The following RBFOX3 variants were observed in gnomAD, a reference collection of about 807,000 sequenced individuals.
RBFOX3 encodes RNA binding protein fox-1 homolog 3.
A neutral mutation model predicts 48.7 loss-of-function variants in RBFOX3; 17 were observed. That is an observed-to-expected ratio of 0.35 (90% CI 0.24 to 0.52). The LOEUF is 0.52. Among genes scored for constraint, RBFOX3 ranks in the 20% least tolerant of loss-of-function variants. RBFOX3 has a pLI of 0.94. For synonymous variants in RBFOX3, 212 were observed against 209.5 expected, an observed-to-expected ratio of 1.01 and a Z score of -0.10; for missense variants, 382 against 497.5, an observed-to-expected ratio of 0.77 and a Z score of 2.21.
chr17:79,229,558 CAAAAAA>C (rs11435725), intron 4 of RBFOX3, among the ~76,000 whole-genome samples: 3 of 50,646 alleles, frequency 5.9e-5, no homozygotes, highest in Non-Finnish European at 7.0e-5. Flanking sequence ...GACTCCATCT[CAAAAAA>C]AAAAAAAAAA....
chr17:79,328,824 C>G (rs2079753232), intron 2 of RBFOX3, among the ~76,000 whole-genome samples: 1 of 152,136 alleles, frequency 6.6e-6, no homozygotes, highest in Non-Finnish European at 1.5e-5. Context: ...TTGGCTTGGA[C>G]CAAGCAGCGC....
intron 1 of RBFOX3, among the ~76,000 whole-genome samples, chr17:79,593,547 G>A (rs1007523563): frequency 1.8e-3 from 274 of 152,208 alleles, no homozygotes; most frequent in Non-Finnish European, 3.2e-3. Flanking sequence ...CAGAGAATGG[G>A]GCAGAGATCT....
chr17:79,252,120 C>T lies in RBFOX3; in HGVS notation c.-73-16315G>A, dbSNP rs1365834788. On this transcript the variant is annotated intron_variant, in intron 3 of 14. Coordinates refer to ENST00000693108, the MANE Select transcript of RBFOX3 (RefSeq NM_001350451.2). The surrounding 1 kb of genome is among the most constrained non-coding windows in gnomAD (Gnocchi z 4.0). Reference sequence around the variant, plus strand: ...CTGGCCCACACCCTCCTGGTCTCCCCATGGCTCTGGCCCTTCCTCCTGCCT... The same window carrying T: ...CTGGCCCACACCCTCCTGGTCTCCCTATGGCTCTGGCCCTTCCTCCTGCCT... Among the ~76,000 whole-genome samples, 1 of 152,212 alleles carries T rather than the reference C, an allele frequency of 6.6e-6. No homozygotes were observed. Among genetic ancestry groups the T allele is most frequent in the Non-Finnish European group, 1.5e-5 (1 of 68,036 alleles).
At chr17:79,614,825 A>G (rs1446035212), upstream of RBFOX3, among the ~76,000 whole-genome samples, 3 of 152,172 alleles carry the variant, frequency 2.0e-5, no homozygotes, top group Non-Finnish European at 4.4e-5. Context: ...GGCAAAGAGG[A>G]GAAAAAGAAG....
At chr17:79,496,858 G>T (rs1445931075) in intron 1 of RBFOX3, among the ~76,000 whole-genome samples, 2 of 152,208 alleles carry the variant, frequency 1.3e-5, no homozygotes, top group Admixed American at 6.5e-5. Flanking sequence ...GGAGCTGGGA[G>T]CTCTTGAGGA....
intron 1 of RBFOX3, among the ~76,000 whole-genome samples, chr17:79,559,393 T>C (rs1018900520): frequency 2.5e-4 from 37 of 149,864 alleles, no homozygotes; most frequent in Admixed American, 1.2e-3. Flanking sequence ...GATGGGTGGA[T>C]AAGTGAATGG....
At chr17:79,128,846 C>T in intron 4 of RBFOX3, among the ~76,000 whole-genome samples, 1 of 152,212 alleles carries the variant, frequency 6.6e-6, no homozygotes, top group Non-Finnish European at 1.5e-5. Context: ...CAGAGGGGTC[C>T]CTGCAGGTAC....
chr17:79,439,181 C>T (rs543777011), intron 2 of RBFOX3, among the ~76,000 whole-genome samples: 2 of 152,166 alleles, frequency 1.3e-5, no homozygotes, highest in Admixed American at 6.5e-5. Context: ...CAGGTCTGGC[C>T]GTAAATCCCA....
At chr17:79,139,244 C>T (rs539343521) in intron 4 of RBFOX3, among the ~76,000 whole-genome samples, 1 of 151,824 alleles carries the variant, frequency 6.6e-6, no homozygotes, top group Non-Finnish European at 1.5e-5. Flanking sequence ...GGGCCCCCCC[C>T]ACCCCGACAC....
chr17:79,146,383 C>T lies in RBFOX3; in HGVS notation c.-33-30635G>A, dbSNP rs117466342. Among the ~76,000 whole-genome samples the T allele has an allele frequency of 2.6e-3, 394 of 152,340 alleles. 10 individuals carry two copies. In the East Asian group the frequency reaches 0.041, roughly 16 times the overall value. On this transcript the variant is annotated intron_variant, in intron 4 of 14. Transcript: ENST00000693108. ...GCTTCCCCAGGGGCCGGCAGGCCCC[C>T]GTTTCACCACTGCATTAGACCGAGT... is the stretch of plus-strand genomic sequence containing the variant.
intron 4 of RBFOX3, among the ~76,000 whole-genome samples, chr17:79,139,816 G>A (rs1244512176): frequency 6.6e-6 from 1 of 152,222 alleles, no homozygotes; most frequent in East Asian, 1.9e-4. Context: ...CACTGACGAT[G>A]CCGGAGGGGC....
chr17:79,345,716 C>T (rs893394167), intron 2 of RBFOX3, among the ~76,000 whole-genome samples: 2 of 152,074 alleles, frequency 1.3e-5, no homozygotes, highest in Admixed American at 6.6e-5. Context: ...TGATACTAAT[C>T]TTTTGTCAGT....
Position 79,609,750 on chromosome 17 carries a change from C to A in RBFOX3, c.-320+1076G>T, listed in dbSNP as rs1297484124. Among the ~76,000 whole-genome samples, 11 of 151,904 alleles carry A rather than the reference C, an allele frequency of 7.2e-5. No homozygotes were observed. The East Asian group carries it at 1.8e-3, about 25-fold the overall frequency. On this transcript the variant is annotated intron_variant, in intron 1 of 14. Transcript: ENST00000693108. Reference sequence around the variant, plus strand: ...CCACGCGGGGCGCCGCGTCTCGGTCCCCGCACCGACACTGCAGGGCTGCGC... The same window carrying A: ...CCACGCGGGGCGCCGCGTCTCGGTCACCGCACCGACACTGCAGGGCTGCGC...
At chr17:79,483,245 T>A (rs1379497531) in intron 1 of RBFOX3, among the ~76,000 whole-genome samples, 1 of 151,874 alleles carries the variant, frequency 6.6e-6, no homozygotes, top group Non-Finnish European at 1.5e-5. Flanking sequence ...ATAGACAGCT[T>A]CACGGTCAAC....
chr17:79,227,517 G>A (rs1259424746), intron 4 of RBFOX3, among the ~76,000 whole-genome samples: 1 of 152,246 alleles, frequency 6.6e-6, no homozygotes, highest in Non-Finnish European at 1.5e-5. Context: ...GAGATGAGCA[G>A]GTCTCTGATG....
intron 4 of RBFOX3, among the ~76,000 whole-genome samples, chr17:79,179,862 G>A (rs568291327): frequency 1.3e-5 from 2 of 152,312 alleles, no homozygotes; most frequent in Admixed American, 6.5e-5. Flanking sequence ...AGCAACAAAA[G>A]CTTCAGGGTT....
chr17:79,160,831 T>A (rs138165681), intron 4 of RBFOX3, among the ~76,000 whole-genome samples: 4 of 152,110 alleles, frequency 2.6e-5, no homozygotes, highest in Non-Finnish European at 4.4e-5. Context: ...AATACAAAGA[T>A]TAGCCAGGCA....
chr17:79,342,654 T>C (rs533622309), intron 2 of RBFOX3, among the ~76,000 whole-genome samples: 76 of 152,264 alleles, frequency 5.0e-4, no homozygotes, highest in Non-Finnish European at 9.1e-4. Context: ...GAGGAACTGC[T>C]GGAGAGGTTG....
intron 4 of RBFOX3, among the ~76,000 whole-genome samples, chr17:79,194,289 T>G (rs534266919): frequency 1.3e-5 from 2 of 151,826 alleles, no homozygotes; most frequent in African/African-American, 4.8e-5. Flanking sequence ...AGCAAGGGGG[T>G]TCTGCCAGGA....
Sources: gnomAD v4.1 joint callset for allele counts (sites outside exome capture counted in the v4.1 genomes callset) on GRCh38, gnomAD v4.1.1 for gene constraint, Gnocchi (gnomAD v3.1) non-coding constraint, MANE v1.5 for transcripts, NCBI Gene and HGNC (gene_info 2026-07-23, HGNC 2026-07-21) for gene names.